Variants in FCGR1A observed in about 807,000 individuals in gnomAD.
The protein encoded by FCGR1A is high affinity immunoglobulin gamma Fc receptor I.
FCGR1A carries 13 observed loss-of-function variants against 35.0 expected under a neutral mutation model. The observed-to-expected ratio is 0.37, with a 90% CI of 0.24 to 0.59. The LOEUF is 0.59. FCGR1A is among the 20% of genes least tolerant of loss of function. The pLI is 0.71. For synonymous variants in FCGR1A, 91 were observed against 164.7 expected, an observed-to-expected ratio of 0.55 and a Z score of 3.43; for missense variants, 227 against 430.0, an observed-to-expected ratio of 0.53 and a Z score of 4.17.
At chr1:149,796,886 T>A in the FCGR1A span, among the ~76,000 whole-genome samples, 2 of 152,232 alleles carry the variant, frequency 1.3e-5, no homozygotes, top group Non-Finnish European at 2.9e-5. Context: ...TATTCTCTCC[T>A]CAGTGTTTGG....
chr1:149,789,736 C>T (rs1276113443), intron 4 of FCGR1A, among the ~76,000 whole-genome samples: 3 of 152,238 alleles, frequency 2.0e-5, no homozygotes, highest in East Asian at 1.9e-4. Context: ...TGAGGTGGAA[C>T]AGTTACCTTC....
At chr1:149,790,813 T>C (rs1186553503) in intron 5 of FCGR1A, among the ~76,000 whole-genome samples, 1 of 151,344 alleles carries the variant, frequency 6.6e-6, no homozygotes, top group African/African-American at 2.4e-5. Flanking sequence ...GCTCACAAGG[T>C]GGATTTATCA....
At chr1:149,789,946 A>G (rs1321141928) in intron 4 of FCGR1A, 108 bp from the exon 5 acceptor site, 1 of 1,605,660 alleles carries the variant, frequency 6.2e-7, no homozygotes, top group Non-Finnish European at 8.5e-7. Flanking sequence ...TGCCTTATGG[A>G]TGCATTTTCT....
chr1:149,784,645 T>C (rs587683696), intron 3 of FCGR1A, among the ~76,000 whole-genome samples: 32 of 149,894 alleles, frequency 2.1e-4, no homozygotes, highest in African/African-American at 7.8e-4. Context: ...AAACTGCTAA[T>C]ATATATATAC....
intron 1 of FCGR1A, 173 bp downstream of exon 1, chr1:149,782,947 C>T (rs2091457867): frequency 7.7e-6 from 9 of 1,175,596 alleles, no homozygotes; most frequent in Non-Finnish European, 9.8e-6. Flanking sequence ...GGAAGGGCAA[C>T]CCTGAGGTAG....
chr1:149,800,304 T>C, the FCGR1A span, among the ~76,000 whole-genome samples: 1 of 152,206 alleles, frequency 6.6e-6, no homozygotes, highest in Non-Finnish European at 1.5e-5. Context: ...CCTGTCCTTT[T>C]GGGTCTTTGT....
chr1:149,785,718 G>A (rs1167166226), intron 3 of FCGR1A: 2 of 151,918 alleles, frequency 1.3e-5, no homozygotes, highest in African/African-American at 4.8e-5. Flanking sequence ...TGTACAACAA[G>A]CCATAAATGT....
downstream of FCGR1A, among the ~76,000 whole-genome samples, chr1:149,793,630 C>G (rs1553752484): frequency 2.0e-5 from 3 of 151,788 alleles, no homozygotes; most frequent in Admixed American, 6.5e-5. Flanking sequence ...TGGGCCCATC[C>G]TTCAATCCGA....
intron 4 of FCGR1A, 112 bp downstream of exon 4, chr1:149,788,729 G>C: frequency 7.6e-7 from 1 of 1,320,694 alleles, no homozygotes; most frequent in Non-Finnish European, 1.1e-6. Flanking sequence ...GCTCCAGAGA[G>C]GTAAACTGCA....
intron 4 of FCGR1A, among the ~76,000 whole-genome samples, chr1:149,788,955 C>T (rs1277734437): frequency 6.6e-6 from 1 of 151,766 alleles, no homozygotes; most frequent in African/African-American, 2.4e-5. Flanking sequence ...GAAAATAATA[C>T]CATGGAATCT....
downstream of FCGR1A, chr1:149,792,844 C>T (rs1224300077): frequency 1.9e-5 from 24 of 1,271,416 alleles, no homozygotes; most frequent in Admixed American, 5.7e-4. Flanking sequence ...TGGAAGAGAG[C>T]AAGGGGTCGC....
At chr1:149,789,668 A>G (rs6587580) in intron 4 of FCGR1A, among the ~76,000 whole-genome samples, 8,304 of 152,194 alleles carry the variant, frequency 0.055, 723 homozygotes, top group African/African-American at 0.19. Flanking sequence ...AATCAGTGGC[A>G]ACATTAGATT....
intron 3 of FCGR1A, 68 bp downstream of exon 3, chr1:149,784,325 A>G (rs2091481934): frequency 1.9e-6 from 3 of 1,611,436 alleles, no homozygotes; most frequent in Admixed American, 3.3e-5. Context: ...TCCTTTCTGG[A>G]TGCCAGATGT....
chr1:149,792,239 G>C (rs144844341), downstream of FCGR1A: 2 of 176,296 alleles, frequency 1.1e-5, no homozygotes, highest in African/African-American at 4.8e-5. Context: ...TTTGTTTAAC[G>C]ATTAAGTCCA....
chr1:149,790,604 T>C (rs7368150), intron 5 of FCGR1A, among the ~76,000 whole-genome samples: 5,328 of 144,436 alleles, frequency 0.037, 109 homozygotes, highest in East Asian at 0.086. Flanking sequence ...TCCTTCTTTT[T>C]TTCTCCTTCA....
At chr1:149,793,404 G>T (rs1362252815), downstream of FCGR1A, among the ~76,000 whole-genome samples, 7 of 152,032 alleles carry the variant, frequency 4.6e-5, no homozygotes, top group Non-Finnish European at 1.0e-4. Flanking sequence ...GCTCCGCAGG[G>T]GCCACCCCAC....
At chr1:149,785,422 T>G (rs1456577769) in intron 3 of FCGR1A, among the ~76,000 whole-genome samples, 17 of 136,180 alleles carry the variant, frequency 1.2e-4, no homozygotes, top group African/African-American at 2.7e-4. Flanking sequence ...TTTTTTTTTT[T>G]TTTTTTTTTT....
downstream of FCGR1A, chr1:149,793,310 C>G: frequency 8.6e-7 from 1 of 1,159,078 alleles, no homozygotes; most frequent in Non-Finnish European, 1.1e-6. Flanking sequence ...CTCGGAGGAC[C>G]TCCCAGCTGG....
chr1:149,788,845 G>A (rs1300857181), intron 4 of FCGR1A, among the ~76,000 whole-genome samples: 1 of 152,038 alleles, frequency 6.6e-6, no homozygotes, highest in African/African-American at 2.4e-5. Flanking sequence ...AACAATCACA[G>A]GAGCTAATGT....
Sources: gnomAD v4.1 joint callset for allele counts (sites outside exome capture counted in the v4.1 genomes callset) on GRCh38, gnomAD v4.1.1 for gene constraint, MANE v1.5 for transcripts, NCBI Gene and HGNC (gene_info 2026-07-23, HGNC 2026-07-21) for gene names.